YPEL2: variants seen among roughly 807,000 people sequenced by gnomAD.
YPEL2 encodes yippee like 2, also known as protein yippee-like 2.
YPEL2 carries 2 observed loss-of-function variants against 19.1 expected under a neutral mutation model. The observed-to-expected ratio is 0.10, with a 90% CI of 0.04 to 0.33. The LOEUF (loss-of-function observed/expected upper bound fraction) is 0.33, where lower values mean the gene tolerates loss of function less well. YPEL2 is among the 10% of genes least tolerant of loss of function. The pLI, the probability that YPEL2 is intolerant of heterozygous loss-of-function variation, is 1.00. For synonymous variants in YPEL2, 52 were observed against 50.0 expected (o/e 1.04, Z -0.17); for missense variants, 66 against 140.7 (o/e 0.47, Z 2.68).
chr17:59,388,146 C>T (rs1327951516), intron 2 of YPEL2, among the ~76,000 whole-genome samples, 181 bp from the exon 3 acceptor site: 1 of 152,174 alleles, frequency 6.6e-6, no homozygotes, highest in Non-Finnish European at 1.5e-5. Context: ...CTTTGTGGCT[C>T]TGTTAATTCC....
chr17:59,353,733 G>GT lies in YPEL2; in HGVS notation c.117+208dup. 1.8e-6 allele frequency: 1 copy of GT among 557,114 alleles called. No homozygotes were observed. Among genetic ancestry groups the GT allele is most frequent in the South Asian group, 1.7e-5 (1 of 57,688 alleles). The allele number at this position is 557,114 out of a possible 1,614,324, so 34.5% of individuals were successfully genotyped here. On this transcript the variant is annotated intron_variant, in intron 2 of 4. Transcript: ENST00000312655. This position sits in a 1 kb window ranked among gnomAD's most constrained non-coding sequence, Gnocchi z 4.8. ...TTTAATTTGTTATTTTGGAAATGAG[G>GT]TGTCATCCTTGTTGGAGGCTTTGGG...
chr17:59,397,575 G>T lies in YPEL2; in HGVS notation c.*385G>T. The T allele has an allele frequency of 6.0e-6, 1 of 165,638 alleles. No homozygotes were observed. The highest frequency in any genetic ancestry group is 1.3e-5 in the Non-Finnish European group (1 of 77,202). 10.3% of individuals were successfully genotyped at this position (165,638 alleles called of 1,614,324 possible). On this transcript the variant is annotated 3_prime_UTR_variant, in exon 5 of 5. Coordinates refer to ENST00000312655, the MANE Select transcript of YPEL2 (RefSeq NM_001005404.4). ...ACGGGGGCGTGAGGAAGAGGGAAAGGGGAAACTCTAAGGGTCCTGGCGCGG... is the reference window on the plus strand; with the variant it reads ...ACGGGGGCGTGAGGAAGAGGGAAAGTGGAAACTCTAAGGGTCCTGGCGCGG...
chr17:59,389,071 A>G, intron 3 of YPEL2: 1 of 404,098 alleles, frequency 2.5e-6, no homozygotes, highest in East Asian at 4.7e-5. Flanking sequence ...TTGTCCCCCT[A>G]AGTCACAGAT....
chr17:59,340,421 A>T (rs1476993625), intron 1 of YPEL2, among the ~76,000 whole-genome samples: 16 of 108,088 alleles, frequency 1.5e-4, no homozygotes, highest in African/African-American at 4.1e-4. Context: ...AACTTTATTT[A>T]TTTTTTTTTT....
At position 59,343,598 on chromosome 17, in the gene YPEL2, G is replaced by GT. The variant is rs200586396; in HGVS notation, c.-195-9616dup. ...AATAAGGTAGGCAGAGAAGGGTAGGGTAAGGCATTATAGGAGCTGGAATAA... is the reference window on the plus strand; with the variant it reads ...AATAAGGTAGGCAGAGAAGGGTAGGGTTAAGGCATTATAGGAGCTGGAATAA... On this transcript the variant is annotated intron_variant, in intron 1 of 4. Coordinates refer to ENST00000312655, the MANE Select transcript of YPEL2 (RefSeq NM_001005404.4). 7.2e-3 allele frequency among the ~76,000 whole-genome samples: 1,103 copies of GT among 152,246 alleles called. 15 individuals are homozygous for GT. The highest frequency in any genetic ancestry group is 0.025 in the African/African-American group (1,025 of 41,516).
At chr17:59,336,590 C>T (rs532426260) in intron 1 of YPEL2, among the ~76,000 whole-genome samples, 4 of 152,256 alleles carry the variant, frequency 2.6e-5, no homozygotes, top group Admixed American at 6.5e-5. Context: ...TTGCATCACA[C>T]GGGACTGATG....
intron 1 of YPEL2, among the ~76,000 whole-genome samples, chr17:59,346,917 T>C (rs2047759050): frequency 6.6e-6 from 1 of 152,132 alleles, no homozygotes; most frequent in Non-Finnish European, 1.5e-5. Context: ...AAGCGTGGTG[T>C]ACTGAGGGGA....
Position 59,399,795 on chromosome 17 carries a change from C to A in YPEL2, c.*2605C>A, listed in dbSNP as rs1274006908. On this transcript the variant is annotated 3_prime_UTR_variant, in exon 5 of 5. Coordinates refer to ENST00000312655, the MANE Select transcript of YPEL2 (RefSeq NM_001005404.4). ...AATTAACTCATGGCCTCAGTCAGTT[C>A]ATTCTTTAATTTCCTCACCAAATTA... The A allele has an allele frequency of 6.6e-6, 1 of 152,604 alleles. No individual in the cohort carries two copies. The highest frequency in any genetic ancestry group is 1.5e-5 in the Non-Finnish European group (1 of 68,056). 9.5% of individuals were successfully genotyped at this position (152,604 alleles called of 1,614,324 possible). A position where few individuals can be genotyped will look rare whatever the true frequency, so the allele number is the denominator to read the frequency against.
At chr17:59,337,203 T>C (rs1034448491) in intron 1 of YPEL2, among the ~76,000 whole-genome samples, 11 of 145,362 alleles carry the variant, frequency 7.6e-5, no homozygotes, top group Non-Finnish European at 9.1e-5. Context: ...GTTTTTTTTG[T>C]TTGAGACGGA....
At chr17:59,348,700 A>G (rs1382485908) in intron 1 of YPEL2, among the ~76,000 whole-genome samples, 1 of 152,188 alleles carries the variant, frequency 6.6e-6, no homozygotes, top group Non-Finnish European at 1.5e-5. Flanking sequence ...TTTAATTTGC[A>G]CATGTGCCCT....
intron 2 of YPEL2, among the ~76,000 whole-genome samples, chr17:59,373,343 G>T (rs578236032): frequency 2.0e-5 from 3 of 152,106 alleles, no homozygotes; most frequent in Non-Finnish European, 4.4e-5. Flanking sequence ...GTTGCCGGGG[G>T]CTTCTGCTGG....
In YPEL2 at chr17:59,359,303, A is replaced by G. The variant is rs75488946; in HGVS notation, c.117+5777A>G. Reference sequence around the variant, plus strand: ...TCTGTGTCCTGAAAACCTCATGTAAATAATAAATATAGGAACATAATTTCT... The same window carrying G: ...TCTGTGTCCTGAAAACCTCATGTAAGTAATAAATATAGGAACATAATTTCT... On this transcript the variant is annotated intron_variant, in intron 2 of 4. Coordinates refer to ENST00000312655, the MANE Select transcript of YPEL2 (RefSeq NM_001005404.4). 4.6e-3 allele frequency among the ~76,000 whole-genome samples: 699 copies of G among 152,324 alleles called. 8 individuals are homozygous for G. In the Middle Eastern group the frequency reaches 0.051, roughly 11 times the overall value.
intron 1 of YPEL2, among the ~76,000 whole-genome samples, chr17:59,332,090 G>A (rs1324662354): frequency 6.6e-6 from 1 of 151,972 alleles, no homozygotes; most frequent in Non-Finnish European, 1.5e-5. Flanking sequence ...CGGGACCCCC[G>A]GCCGGGGCGG....
chr17:59,394,366 TCCCAGA>T (rs1474770548), intron 4 of YPEL2, among the ~76,000 whole-genome samples: 1 of 144,920 alleles, frequency 6.9e-6, no homozygotes, highest in Non-Finnish European at 1.5e-5. Context: ...GCTCCTCACA[TCCCAGA>T]CGGGGCGGCG....
chr17:59,380,272 CT>C (rs548409762), intron 2 of YPEL2, among the ~76,000 whole-genome samples: 232 of 106,400 alleles, frequency 2.2e-3, no homozygotes, highest in South Asian at 0.013. Flanking sequence ...TATCTAACTT[CT>C]TTTTTTTTTT....
chr17:59,341,952 G>T (rs1284114264), intron 1 of YPEL2, among the ~76,000 whole-genome samples: 1 of 152,196 alleles, frequency 6.6e-6, no homozygotes, highest in Non-Finnish European at 1.5e-5. Flanking sequence ...CCAACTTTGG[G>T]CTGGCGATGG....
chr17:59,382,382 CCCG>C (rs144392609), intron 2 of YPEL2, among the ~76,000 whole-genome samples: 78,951 of 151,836 alleles, frequency 0.52, 20,913 homozygotes, highest in East Asian at 0.67. Context: ...CATCCTCCAC[CCCG>C]CCTCTCTCTA....
intron 2 of YPEL2, among the ~76,000 whole-genome samples, chr17:59,357,420 T>C (rs925556795): frequency 2.0e-5 from 3 of 152,130 alleles, no homozygotes; most frequent in African/African-American, 7.2e-5. Flanking sequence ...AACTCTTGAA[T>C]TGATGACAGA....
intron 1 of YPEL2, among the ~76,000 whole-genome samples, chr17:59,344,753 G>A (rs746405379): frequency 5.9e-5 from 9 of 151,868 alleles, no homozygotes; most frequent in East Asian, 3.9e-4. Context: ...GCAAGACTCC[G>A]TCTCAAAAAA....
Sources: allele counts gnomAD v4.1 joint callset (sites outside exome capture counted in the v4.1 genomes callset), GRCh38; gene constraint gnomAD v4.1.1; non-coding constraint Gnocchi (gnomAD v3.1); transcripts MANE v1.5; gene names NCBI Gene and HGNC (gene_info 2026-07-23, HGNC 2026-07-21).